The following RNF43 variants were observed in gnomAD, a reference collection of about 807,000 sequenced individuals.
The protein encoded by RNF43 is E3 ubiquitin-protein ligase RNF43.
A neutral mutation model predicts 78.4 loss-of-function variants in RNF43; 37 were observed. That is an observed-to-expected ratio of 0.47 (90% confidence interval 0.36 to 0.62). The LOEUF (loss-of-function observed/expected upper bound fraction) is 0.62, where lower values mean the gene tolerates loss of function less well. Among genes scored for constraint, RNF43 ranks in the 20% least tolerant of loss-of-function variants. The pLI is 0.00. For synonymous variants in RNF43, 347 were observed against 395.0 expected (o/e 0.88, Z 1.44); for missense variants, 774 against 1,007.9 (o/e 0.77, Z 3.14).
At chr17:58,388,070 T>C (rs1404677277) in intron 2 of RNF43, among the ~76,000 whole-genome samples, 3 of 152,114 alleles carry the variant, frequency 2.0e-5, no homozygotes, top group African/African-American at 7.2e-5. Context: ...TTCTTCTTAA[T>C]GTTTGTTCGG....
intron 2 of RNF43, among the ~76,000 whole-genome samples, chr17:58,372,275 T>C (rs1973114709): frequency 1.3e-5 from 2 of 152,214 alleles, no homozygotes; most frequent in African/African-American, 4.8e-5. Flanking sequence ...ACATAGTAGG[T>C]TCTCAATAAC....
chr17:58,352,836 C>A (rs913576775), downstream of RNF43: 1 of 219,488 alleles, frequency 4.6e-6, no homozygotes, highest in African/African-American at 2.2e-5. Flanking sequence ...AGACACGGTT[C>A]CTTTACTAAA....
intron 2 of RNF43, among the ~76,000 whole-genome samples, chr17:58,394,040 A>G (rs1973620968): frequency 6.6e-6 from 1 of 152,202 alleles, no homozygotes; most frequent in Non-Finnish European, 1.5e-5. Flanking sequence ...TGGGCAACAG[A>G]GCGAAACTCC....
intron 2 of RNF43, among the ~76,000 whole-genome samples, chr17:58,415,070 T>C (rs1248492492): frequency 6.6e-6 from 1 of 152,226 alleles, no homozygotes; most frequent in Non-Finnish European, 1.5e-5. Context: ...GGTATTATTA[T>C]GTCTATCTAA....
In RNF43 at chr17:58,357,190, G is replaced by A. The variant is rs149130538; in HGVS notation, c.2308+278C>T. On this transcript the variant is annotated intron_variant, in intron 9 of 9. Transcript: ENST00000407977. The surrounding 1 kb of genome is among the most constrained non-coding windows in gnomAD (Gnocchi z 4.5). Reference sequence around the variant, plus strand: ...ATTACAGGCATGAGCCATCACACCCGGCCTTCCAAGTGCCTTTCTGATGCC... The same window carrying A: ...ATTACAGGCATGAGCCATCACACCCAGCCTTCCAAGTGCCTTTCTGATGCC... The A allele has an allele frequency of 4.7e-4, 330 of 702,416 alleles. 1 individual carries two copies. In the East Asian group the frequency reaches 7.0e-3, roughly 15 times the overall value. 43.5% of individuals were successfully genotyped at this position (702,416 alleles called of 1,614,324 possible).
chr17:58,412,560 T>C (rs1933434330), intron 2 of RNF43, among the ~76,000 whole-genome samples: 2 of 148,250 alleles, frequency 1.3e-5, no homozygotes, highest in South Asian at 4.3e-4. Flanking sequence ...AATGCCCTTA[T>C]ACATACAGCC....
chr17:58,391,511 T>C (rs1309787958), intron 2 of RNF43, among the ~76,000 whole-genome samples: 1 of 152,194 alleles, frequency 6.6e-6, no homozygotes, highest in East Asian at 1.9e-4. Context: ...CAGAGTACCA[T>C]GGCTCCAGTC....
At position 58,358,158 on chromosome 17, in the gene RNF43, C is replaced by T. The variant is rs762069158; in HGVS notation, c.1618G>A (p.Gly540Arg). 6.2e-7 allele frequency: 1 copy of T among 1,612,608 alleles called. No homozygotes were observed. Among genetic ancestry groups the T allele is most frequent in the Non-Finnish European group, 8.5e-7 (1 of 1,179,544 alleles). Residue 540 changes from glycine to arginine, a missense_variant, in exon 9 of 10, where the codon GGG becomes AGG. Coordinates refer to ENST00000407977, the MANE Select transcript of RNF43 (RefSeq NM_017763.6). The surrounding 1 kb of genome is among the most constrained non-coding windows in gnomAD (Gnocchi z 6.2). ...ACATGGCTGGAAACCTGGGTTTCCCCTGTGGGCACCACCGAGTCCAAGGAA... is the reference window on the plus strand; with the variant it reads ...ACATGGCTGGAAACCTGGGTTTCCCTTGTGGGCACCACCGAGTCCAAGGAA... The part of the protein sequence containing the change: ...PRSLDSVVPT[G>R]ETQVSSHVHY...
At chr17:58,375,141 G>A (rs897150907) in intron 2 of RNF43, among the ~76,000 whole-genome samples, 1 of 152,004 alleles carries the variant, frequency 6.6e-6, no homozygotes, top group East Asian at 1.9e-4. Flanking sequence ...CCTATTTACC[G>A]AAATAACCTA....
At chr17:58,416,988 A>G (rs972369129) in intron 1 of RNF43, 29 bp downstream of exon 1, 3 of 152,186 alleles carry the variant, frequency 2.0e-5, no homozygotes, top group East Asian at 1.9e-4. Flanking sequence ...GGAGGGGGGA[A>G]AAAGGAATTT....
chr17:58,411,816 GTGGTGGCAATAATATTGCT>G (rs1196138634), intron 2 of RNF43, among the ~76,000 whole-genome samples: 3 of 152,172 alleles, frequency 2.0e-5, no homozygotes, highest in Non-Finnish European at 4.4e-5. Context: ...ACTTTTAGAA[GTGGTGGCAATAATATTGCT>G]TGAAATAAAA....
At chr17:58,377,525 C>T (rs1003323959) in intron 2 of RNF43, among the ~76,000 whole-genome samples, 1 of 152,144 alleles carries the variant, frequency 6.6e-6, no homozygotes, top group African/African-American at 2.4e-5. Context: ...ATCTCATTAC[C>T]TCCTCACAAA....
intron 3 of RNF43, among the ~76,000 whole-genome samples, chr17:58,365,694 C>G (rs1356507039): frequency 6.6e-6 from 1 of 152,210 alleles, no homozygotes; most frequent in Non-Finnish European, 1.5e-5. Context: ...ATCTATGCCT[C>G]TTGTCCACCT....
intron 2 of RNF43, among the ~76,000 whole-genome samples, chr17:58,376,526 C>G (rs1973208965): frequency 6.6e-6 from 1 of 152,074 alleles, no homozygotes; most frequent in Non-Finnish European, 1.5e-5. Context: ...GCCATTTGAA[C>G]TAGGACTCAG....
chr17:58,361,065 A>G (rs1377787293), intron 6 of RNF43, 121 bp from the exon 7 acceptor site: 2 of 1,053,160 alleles, frequency 1.9e-6, no homozygotes, highest in Admixed American at 7.1e-5. Context: ...GAACATCCTT[A>G]GGAGTTCGTC....
intron 2 of RNF43, among the ~76,000 whole-genome samples, chr17:58,371,818 T>C (rs984627629): frequency 3.3e-5 from 5 of 152,252 alleles, no homozygotes; most frequent in African/African-American, 1.2e-4. Flanking sequence ...CAGCTGGTGC[T>C]GAACAATGAC....
intron 2 of RNF43, among the ~76,000 whole-genome samples, 185 bp downstream of exon 2, chr17:58,415,141 A>T (rs574129619): frequency 2.6e-5 from 4 of 152,300 alleles, no homozygotes; most frequent in African/African-American, 4.8e-5. Flanking sequence ...GGATTTATGT[A>T]TTTCCTCCAG....
At position 58,415,574 on chromosome 17, in the gene RNF43, T is replaced by TCATG; in HGVS notation, c.-1_3dup (p.Ser2HisfsTer39). ...GCCAGCTGCAGCTGGTGGCCACCAC[T>TCATG]CATGCTACCAGCTGCAGCAATGCAC... On this transcript the variant is annotated frameshift_variant, in exon 2 of 10. Transcript: ENST00000407977. LOFTEE classifies it high-confidence loss of function. 1 of 1,606,826 alleles carries TCATG rather than the reference T, an allele frequency of 6.2e-7. No homozygotes were observed. The highest frequency in any genetic ancestry group is 1.3e-5 in the African/African-American group (1 of 75,056).
chr17:58,394,425 C>T (rs1973629985), intron 2 of RNF43, among the ~76,000 whole-genome samples: 1 of 152,064 alleles, frequency 6.6e-6, no homozygotes, highest in Non-Finnish European at 1.5e-5. Flanking sequence ...AAAAGTAAAG[C>T]ATTGAGTATT....
Sources: allele counts gnomAD v4.1 joint callset (sites outside exome capture counted in the v4.1 genomes callset), GRCh38; gene constraint gnomAD v4.1.1; non-coding constraint Gnocchi (gnomAD v3.1); transcripts MANE v1.5; gene names NCBI Gene and HGNC (gene_info 2026-07-23, HGNC 2026-07-21).